Variants in SFMBT1 observed in about 807,000 individuals in gnomAD.
The protein encoded by SFMBT1 is scm-like with four MBT domains protein 1.
In SFMBT1, 32 loss-of-function variants were observed where a neutral mutation model predicts 108.7. The ratio of observed to expected loss-of-function variants is 0.29; its 90% CI spans 0.22 to 0.40. The LOEUF (loss-of-function observed/expected upper bound fraction) is 0.40. Ranked by LOEUF, SFMBT1 falls within the 10% of genes least tolerant of loss-of-function variation. The probability of loss-of-function intolerance (pLI) is 1.00; values close to 1 mark genes in which losing one functional copy is unlikely to be tolerated. For missense variants in SFMBT1, 816 were observed against 1,059.6 expected (o/e 0.77, Z 3.19); for synonymous variants, 348 against 369.5 (o/e 0.94, Z 0.67).
intron 1 of SFMBT1, among the ~76,000 whole-genome samples, chr3:53,028,976 TCCTGACTAACACGGTGAAAC>T (rs1473201019): frequency 6.6e-6 from 1 of 151,944 alleles, no homozygotes; most frequent in African/African-American, 2.4e-5. Context: ...CTTGAGAAGA[TCCTGACTAACACGGTGAAAC>T]CCCGTCTCTT....
intron 3 of SFMBT1, among the ~76,000 whole-genome samples, chr3:52,950,269 C>G (rs914032117): frequency 6.6e-6 from 1 of 152,134 alleles, no homozygotes; most frequent in Admixed American, 6.5e-5. Flanking sequence ...TTTCTTTTAA[C>G]TGTTTTTAGT....
In SFMBT1 at chr3:52,912,644, G is replaced by C. The variant is rs1481372741; in HGVS notation, c.1624C>G (p.Leu542Val). 6.2e-7 allele frequency: 1 copy of C among 1,612,838 alleles called. No homozygotes were observed. The highest frequency in any genetic ancestry group is 8.5e-7 in the Non-Finnish European group (1 of 1,179,098). Residue 542 changes from leucine (L) to valine (V), a missense_variant, in exon 16 of 21, where the codon CTC becomes GTC. Coordinates refer to ENST00000394752, the MANE Select transcript of SFMBT1 (RefSeq NM_016329.4). ...GNCVLVLREV[L>V]TLLINAAYKP... ...TAGGCTGCATTGATAAGTAAAGTGA[G>C]GACCTGAGCTCAGTTTTAAAGCAGA...
chr3:52,975,678 T>C (rs962251219), intron 1 of SFMBT1, among the ~76,000 whole-genome samples: 6 of 152,180 alleles, frequency 3.9e-5, no homozygotes, highest in Admixed American at 3.9e-4. Context: ...CCCGTTTTAC[T>C]GCAACCTCCA....
chr3:53,034,993 G>A (rs1015840112), intron 1 of SFMBT1, among the ~76,000 whole-genome samples: 2 of 152,158 alleles, frequency 1.3e-5, no homozygotes, highest in African/African-American at 4.8e-5. Flanking sequence ...GTGTGACAGC[G>A]GTCCATGTGA....
At chr3:52,997,614 A>G (rs1317889671) in intron 1 of SFMBT1, among the ~76,000 whole-genome samples, 1 of 150,548 alleles carries the variant, frequency 6.6e-6, no homozygotes, top group African/African-American at 2.4e-5. Context: ...TAAATCTCAA[A>G]AACTTCATGC....
At chr3:52,951,215 C>CTT (rs139907776) in intron 3 of SFMBT1, among the ~76,000 whole-genome samples, 211 of 135,804 alleles carry the variant, frequency 1.6e-3, no homozygotes, top group Middle Eastern at 3.9e-3. Context: ...CTCTAACACT[C>CTT]TTTTTTCCTT....
intron 2 of SFMBT1, 34 bp downstream of exon 2, chr3:52,969,067 C>T (rs1282567948): frequency 6.2e-7 from 1 of 1,611,704 alleles, no homozygotes; most frequent in Admixed American, 1.7e-5. Flanking sequence ...AATTGTGCAT[C>T]CTAGAGAATA....
At chr3:52,916,359 T>C (rs1702356474) in intron 13 of SFMBT1, 145 bp from the exon 14 acceptor site, 2 of 220,858 alleles carry the variant, frequency 9.1e-6, no homozygotes, top group Non-Finnish European at 8.5e-6. Flanking sequence ...GATGATACTT[T>C]TTTTTTTTTT....
chr3:52,920,680 A>G (rs765142262), intron 11 of SFMBT1, 30 bp from the exon 12 acceptor site: 1 of 1,389,172 alleles, frequency 7.2e-7, no homozygotes, highest in East Asian at 2.3e-5. Context: ...CAAACAAACA[A>G]ACAAACAAAC....
chr3:52,962,742 G>A (rs1704003817), intron 2 of SFMBT1, among the ~76,000 whole-genome samples: 1 of 146,532 alleles, frequency 6.8e-6, no homozygotes, highest in African/African-American at 2.5e-5. Flanking sequence ...CAGAGGCAGG[G>A]GTTGCAGTGA....
intron 1 of SFMBT1, among the ~76,000 whole-genome samples, chr3:53,019,526 C>T (rs1359747210): frequency 3.9e-5 from 6 of 152,086 alleles, no homozygotes; most frequent in Non-Finnish European, 8.8e-5. Flanking sequence ...CCAACTCTCC[C>T]CAGGTTTCCC....
chr3:53,034,194 G>T (rs1260810387), intron 1 of SFMBT1, among the ~76,000 whole-genome samples: 2 of 151,860 alleles, frequency 1.3e-5, no homozygotes, highest in African/African-American at 4.8e-5. Context: ...TAATAAACTG[G>T]TTAGATTTAT....
At chr3:52,915,923 A>T (rs1386205574) in intron 14 of SFMBT1, among the ~76,000 whole-genome samples, 1 of 152,234 alleles carries the variant, frequency 6.6e-6, no homozygotes, top group Non-Finnish European at 1.5e-5. Flanking sequence ...ACAACGGTTG[A>T]TCAGTAAAGA....
chr3:52,960,083 A>G (rs1250596050), intron 2 of SFMBT1, among the ~76,000 whole-genome samples: 1 of 151,896 alleles, frequency 6.6e-6, no homozygotes, highest in Non-Finnish European at 1.5e-5. Context: ...ATGGAATACT[A>G]CTACACAGCA....
At chr3:53,022,524 C>A (rs1214576813) in intron 1 of SFMBT1, among the ~76,000 whole-genome samples, 3 of 148,762 alleles carry the variant, frequency 2.0e-5, no homozygotes, top group Non-Finnish European at 4.5e-5. Flanking sequence ...ATAAATAAAC[C>A]AGAATGAAGA....
intron 17 of SFMBT1, among the ~76,000 whole-genome samples, chr3:52,910,766 G>A (rs1021048833): frequency 3.3e-5 from 5 of 152,190 alleles, no homozygotes; most frequent in African/African-American, 1.2e-4. Flanking sequence ...TGGGATTACA[G>A]GCATGAGCCA....
At chr3:53,019,934 T>A (rs1699248654) in intron 1 of SFMBT1, among the ~76,000 whole-genome samples, 1 of 152,114 alleles carries the variant, frequency 6.6e-6, no homozygotes, top group African/African-American at 2.4e-5. Context: ...CCATTCACAC[T>A]CCCACTGTTG....
At chr3:52,914,962 G>GC (rs1702308488) in intron 14 of SFMBT1, among the ~76,000 whole-genome samples, 2 of 152,294 alleles carry the variant, frequency 1.3e-5, no homozygotes, top group South Asian at 2.1e-4. Flanking sequence ...GGGCCACCTT[G>GC]CCCCTTGTGA....
At chr3:52,944,116 T>C (rs1183448073) in intron 3 of SFMBT1, among the ~76,000 whole-genome samples, 1 of 152,244 alleles carries the variant, frequency 6.6e-6, no homozygotes, top group Non-Finnish European at 1.5e-5. Context: ...AAAAGTGTTC[T>C]AATTTAGATG....
Sources: gnomAD v4.1 joint callset for allele counts (sites outside exome capture counted in the v4.1 genomes callset) on GRCh38, gnomAD v4.1.1 for gene constraint, MANE v1.5 for transcripts, NCBI Gene and HGNC (gene_info 2026-07-23, HGNC 2026-07-21) for gene names.